The following NT5DC1 variants were observed in gnomAD, a reference collection of about 807,000 sequenced individuals.
The protein encoded by NT5DC1 is 5'-nucleotidase domain containing 1.
A neutral mutation model predicts 59.4 loss-of-function variants in NT5DC1; 42 were observed. That is an observed-to-expected ratio of 0.71 (90% CI 0.55 to 0.92). The LOEUF is 0.92. Among genes scored for constraint, NT5DC1 ranks in the 40% least tolerant of loss-of-function variants. The pLI, the probability that NT5DC1 is intolerant of heterozygous loss-of-function variation, is 0.00. For synonymous variants in NT5DC1, 172 were observed against 188.1 expected (o/e 0.91, Z 0.70); for missense variants, 501 against 537.1 (o/e 0.93, Z 0.66).
chr6:116,212,107 A>C (rs1408743259), intron 6 of NT5DC1, among the ~76,000 whole-genome samples: 2 of 152,104 alleles, frequency 1.3e-5, no homozygotes, highest in Non-Finnish European at 2.9e-5. Flanking sequence ...TATTTTATCA[A>C]TTCTTTTTCA....
At chr6:116,234,890 G>A (rs1007375283) in intron 8 of NT5DC1, among the ~76,000 whole-genome samples, 1 of 152,138 alleles carries the variant, frequency 6.6e-6, no homozygotes, top group Admixed American at 6.5e-5. Flanking sequence ...CAGCTTCCTA[G>A]CTGTGGAGGC....
intron 6 of NT5DC1, chr6:116,118,794 C>A (rs945992904): frequency 1.3e-5 from 2 of 152,194 alleles, no homozygotes; most frequent in Admixed American, 1.3e-4. Flanking sequence ...CAGCCCTTGA[C>A]CCTGACTCAG....
intron 6 of NT5DC1, among the ~76,000 whole-genome samples, chr6:116,118,476 G>A (rs1386096360): frequency 6.6e-6 from 1 of 152,082 alleles, no homozygotes; most frequent in Non-Finnish European, 1.5e-5. Context: ...TTTATAGTAT[G>A]TTACCTCAGT....
Position 116,244,231 on chromosome 6 carries a change from T to C in NT5DC1, c.*207T>C, listed in dbSNP as rs1771794202. The C allele has an allele frequency of 2.6e-6, 1 of 377,528 alleles. No individual in the cohort carries two copies. The highest frequency in any genetic ancestry group is 2.1e-5 in the African/African-American group (1 of 47,678). 23.4% of individuals were successfully genotyped at this position (377,528 alleles called of 1,614,324 possible). On this transcript the variant is annotated 3_prime_UTR_variant, in exon 12 of 12. Transcript: ENST00000319550. ...CTCAGTATCCTAAAACTTAGAACCT[T>C]ATTGATATTTTCTATACAGTAGTTT...
rs1782175294 is a variant in NT5DC1 at position 116,238,947 on chromosome 6, T to C, written c.1084-8T>C. 1.3e-6 allele frequency: 2 copies of C among 1,543,200 alleles called. No individual in the cohort carries two copies. The highest frequency in any genetic ancestry group is 1.8e-6 in the Non-Finnish European group (2 of 1,119,060). On this transcript the variant is annotated splice_region_variant and splice_polypyrimidine_tract_variant and intron_variant, in intron 10 of 11. Transcript: ENST00000319550. ...CACCATTTTAATTATTCTGTTCTCT[T>C]GTTTCAGGGACCAAAAGCAAAACCT...
In NT5DC1 at chr6:116,101,002, C is replaced by T. The variant is rs971778471; in HGVS notation, c.72C>T (p.Tyr24=). The change falls in exon 1 of 12, where the codon TAC becomes TAT. Residue 24 remains tyrosine, a synonymous_variant. Coordinates refer to ENST00000319550, the MANE Select transcript of NT5DC1 (RefSeq NM_152729.3). ...GFDLDHTLCR[Y]NLPESAPLIY... ...ACCTGGACCACACTCTGTGTCGCTA[C>T]AACCTGCCCGAGAGCGCCCCGGTGA... 9.4e-6 allele frequency: 15 copies of T among 1,600,840 alleles called. No individual in the cohort carries two copies. Among genetic ancestry groups the T allele is most frequent in the Non-Finnish European group, 1.7e-6 (2 of 1,175,296 alleles).
chr6:116,138,862 T>G (rs1366261159), intron 6 of NT5DC1, among the ~76,000 whole-genome samples: 1 of 152,172 alleles, frequency 6.6e-6, no homozygotes, highest in Non-Finnish European at 1.5e-5. Context: ...AGATAGTGAA[T>G]ATTTTTTCAG....
intron 6 of NT5DC1, among the ~76,000 whole-genome samples, chr6:116,202,959 A>G (rs1287426688): frequency 2.0e-5 from 3 of 151,992 alleles, no homozygotes; most frequent in East Asian, 1.9e-4. Context: ...GGGCTGTCTC[A>G]TAATAAACTT....
chr6:116,189,586 C>G (rs1781074873), intron 6 of NT5DC1, among the ~76,000 whole-genome samples: 1 of 151,884 alleles, frequency 6.6e-6, no homozygotes, highest in Non-Finnish European at 1.5e-5. Context: ...TACTGGTTCT[C>G]TATAGTTCTT....
intron 6 of NT5DC1, among the ~76,000 whole-genome samples, chr6:116,182,226 T>A (rs924068572): frequency 2.1e-5 from 3 of 143,434 alleles, no homozygotes; most frequent in Admixed American, 6.9e-5. Context: ...ATGGAGAGTG[T>A]GTGTGTGTGT....
intron 6 of NT5DC1, chr6:116,121,441 AT>A: frequency 6.2e-7 from 1 of 1,613,416 alleles, no homozygotes; most frequent in Non-Finnish European, 8.5e-7. Flanking sequence ...CTGGAACCCC[AT>A]TTTCACCTCT....
At position 116,243,993 on chromosome 6, in the gene NT5DC1, T is replaced by C. The variant is rs1019130524; in HGVS notation, c.1337T>C (p.Leu446Ser). 8 of 1,495,876 alleles carry C rather than the reference T, an allele frequency of 5.3e-6. No homozygotes were observed. Among genetic ancestry groups the C allele is most frequent in the Admixed American group, 1.8e-5 (1 of 57,040 alleles). 92.7% of individuals were successfully genotyped at this position (1,495,876 alleles called of 1,614,324 possible). Residue 446 changes from leucine to serine, a missense_variant, in exon 12 of 12, where the codon TTA (leucine) becomes TCA (serine). Leu to Ser is a moderately radical substitution (Grantham distance 145). Transcript: ENST00000319550. ...AGYYPNPPLV[L>S]SSDETLISK ...TACTATCCAAATCCTCCACTGGTCT[T>C]ATCAAGTGATGAGACACTGATATCC...
chr6:116,223,193 C>T (rs555610292), intron 8 of NT5DC1, 62 bp downstream of exon 8: 5 of 808,226 alleles, frequency 6.2e-6, no homozygotes, highest in South Asian at 1.5e-5. Context: ...TTGTGCAGAA[C>T]ACTGTGTTGC....
chr6:116,239,091 C>G lies in NT5DC1; in HGVS notation c.1220C>G (p.Thr407Ser). The stretch of plus-strand genomic sequence containing the variant: ...TGTAAGAGAATCAGTACTTACAGCA[C>G]TATTGCAATTCCAAGTATTGAAGCA... Reference protein sequence around the residue: ...WSCKRISTYSTIAIPSIEAIA... With the variant: ...WSCKRISTYSSIAIPSIEAIA... Residue 407 changes from threonine (T) to serine (S), a missense_variant, in exon 11 of 12, where the codon ACT (threonine) becomes AGT (serine). By Grantham distance (58) the Thr-to-Ser change is moderately conservative (BLOSUM62 1). Coordinates refer to ENST00000319550, the MANE Select transcript of NT5DC1 (RefSeq NM_152729.3). 1 of 1,612,280 alleles carries G rather than the reference C, an allele frequency of 6.2e-7. No individual in the cohort carries two copies. The highest frequency in any genetic ancestry group is 8.5e-7 in the Non-Finnish European group (1 of 1,179,058).
At chr6:116,230,965 G>A (rs2114552555) in intron 8 of NT5DC1, among the ~76,000 whole-genome samples, 1 of 152,098 alleles carries the variant, frequency 6.6e-6, no homozygotes, top group African/African-American at 2.4e-5. Flanking sequence ...AAATTAGCTG[G>A]GCGTGGTGGC....
chr6:116,121,860 C>A, intron 6 of NT5DC1: 1 of 1,613,950 alleles, frequency 6.2e-7, no homozygotes, highest in South Asian at 1.1e-5. Flanking sequence ...CCAGGACTTC[C>A]GTAGCCTGGT....
rs916664848 is a variant in NT5DC1, at chr6:116,248,265, A to T, written c.*4241A>T. 2.0e-5 allele frequency: 3 copies of T among 152,194 alleles called. No homozygotes were observed. The highest frequency in any genetic ancestry group is 7.2e-5 in the African/African-American group (3 of 41,454). 9.4% of individuals were successfully genotyped at this position (152,194 alleles called of 1,614,324 possible). A position where few individuals can be genotyped will look rare whatever the true frequency, so the allele number is the denominator to read the frequency against. Reference sequence around the variant, plus strand: ...CTGTTTTCTCAACTATTTAAATGGAAATAATAAAACTTGTGTTACAAGGAT... The same window carrying T: ...CTGTTTTCTCAACTATTTAAATGGATATAATAAAACTTGTGTTACAAGGAT... On this transcript the variant is annotated 3_prime_UTR_variant, in exon 12 of 12. Coordinates refer to ENST00000319550, the MANE Select transcript of NT5DC1 (RefSeq NM_152729.3).
chr6:116,134,599 G>A (rs1779544035), intron 6 of NT5DC1, among the ~76,000 whole-genome samples: 1 of 152,100 alleles, frequency 6.6e-6, no homozygotes, highest in Admixed American at 6.5e-5. Flanking sequence ...GGATGCCCAG[G>A]GATAGGGCCA....
chr6:116,123,850 A>G (rs1302266081), intron 6 of NT5DC1, among the ~76,000 whole-genome samples: 2 of 152,258 alleles, frequency 1.3e-5, no homozygotes, highest in African/African-American at 4.8e-5. Context: ...AGAGAAGATC[A>G]AAGTATTTTT....
Sources: gnomAD v4.1 joint callset for allele counts (sites outside exome capture counted in the v4.1 genomes callset) on GRCh38, gnomAD v4.1.1 for gene constraint, MANE v1.5 for transcripts, NCBI Gene and HGNC (gene_info 2026-07-23, HGNC 2026-07-21) for gene names.